CHST9: variants seen among roughly 807,000 people sequenced by gnomAD.
The protein encoded by CHST9 is GalNAc-4-sulfotransferase 2.
CHST9 carries 41 observed loss-of-function variants against 44.4 expected under a neutral mutation model. The ratio of observed to expected loss-of-function variants is 0.92; its 90% CI spans 0.72 to 1.20. The LOEUF (loss-of-function observed/expected upper bound fraction) is 1.20, where lower values mean the gene tolerates loss of function less well. CHST9 is among the 50% of genes most tolerant of loss of function. The pLI is 0.00. For synonymous variants in CHST9, 171 were observed against 178.4 expected, an observed-to-expected ratio of 0.96 and a Z score of 0.33; for missense variants, 504 against 516.5, an observed-to-expected ratio of 0.98 and a Z score of 0.23.
chr18:27,121,629 A>G (rs2058375327), intron 2 of CHST9, among the ~76,000 whole-genome samples: 1 of 152,232 alleles, frequency 6.6e-6, no homozygotes, highest in African/African-American at 2.4e-5. Context: ...GATAAAAGGC[A>G]GGAACTTCCC....
At chr18:27,104,275 G>T (rs1939580261) in intron 2 of CHST9, among the ~76,000 whole-genome samples, 1 of 152,190 alleles carries the variant, frequency 6.6e-6, no homozygotes, top group Non-Finnish European at 1.5e-5. Flanking sequence ...GGGCATTGTT[G>T]TGATTTTTCA....
chr18:27,001,672 TC>T (rs955699543), intron 4 of CHST9, among the ~76,000 whole-genome samples: 51 of 139,074 alleles, frequency 3.7e-4, no homozygotes, highest in African/African-American at 1.2e-3. Flanking sequence ...GGCACACCCT[TC>T]CTCAGAGACC....
At chr18:27,133,258 A>T (rs756974259) in intron 2 of CHST9, among the ~76,000 whole-genome samples, 1 of 152,196 alleles carries the variant, frequency 6.6e-6, no homozygotes, top group Non-Finnish European at 1.5e-5. Flanking sequence ...GAACAAACAC[A>T]TTCAATATAT....
intron 4 of CHST9, among the ~76,000 whole-genome samples, chr18:26,955,250 C>T (rs1013743065): frequency 1.0e-4 from 15 of 146,382 alleles, no homozygotes; most frequent in Admixed American, 9.6e-4. Flanking sequence ...GTATTTTACA[C>T]ATCTATACCA....
intron 2 of CHST9, among the ~76,000 whole-genome samples, chr18:27,058,899 C>T (rs1409557067): frequency 2.6e-5 from 4 of 151,994 alleles, no homozygotes; most frequent in Admixed American, 1.3e-4. Context: ...GTCAAAACAA[C>T]GCTTTTCTTT....
At chr18:27,137,446 A>T (rs1020414239) in intron 2 of CHST9, among the ~76,000 whole-genome samples, 4 of 151,386 alleles carry the variant, frequency 2.6e-5, no homozygotes, top group Non-Finnish European at 5.9e-5. Context: ...AGGTGAGAGG[A>T]CAGAAGGGAT....
chr18:26,949,176 G>C (rs2145126649), intron 4 of CHST9, among the ~76,000 whole-genome samples: 1 of 152,292 alleles, frequency 6.6e-6, no homozygotes. Context: ...CAGGCAGAAG[G>C]GGTGCGGGCT....
intron 3 of CHST9, among the ~76,000 whole-genome samples, chr18:27,025,558 C>T (rs1328718293): frequency 6.6e-6 from 1 of 152,152 alleles, no homozygotes; most frequent in East Asian, 1.9e-4. Context: ...TATCCAAGGG[C>T]ATTTTTAATT....
chr18:27,031,292 C>T (rs2057337925), intron 3 of CHST9, among the ~76,000 whole-genome samples: 1 of 152,168 alleles, frequency 6.6e-6, no homozygotes, highest in Non-Finnish European at 1.5e-5. Context: ...ACTTGTAATC[C>T]TGGTCCCCAA....
Position 26,916,814 on chromosome 18 carries a change from A to G in CHST9, c.777T>C (p.Asp259=), listed in dbSNP as rs2055536013. Residue 259 remains aspartate (D), a synonymous_variant, in exon 6 of 6, where the codon GAT becomes GAC. Coordinates refer to ENST00000618847, the MANE Select transcript of CHST9 (RefSeq NM_031422.6). The stretch of plus-strand genomic sequence containing the variant: ...TATATATCCCTTTTAGGTCAAAGCT[A>G]TCTAGCTTCTTCAAATGCTTCCCGT... ...VHYGKHLKKL[D]SFDLKGIYTR... is the part of the protein sequence containing the mutation. 1.2e-6 allele frequency: 2 copies of G among 1,613,800 alleles called. No homozygotes were observed. The highest frequency in any genetic ancestry group is 1.7e-5 in the Admixed American group (1 of 59,978).
chr18:26,961,404 CT>C (rs2056398169), intron 4 of CHST9, among the ~76,000 whole-genome samples: 1 of 151,512 alleles, frequency 6.6e-6, no homozygotes, highest in South Asian at 2.1e-4. Flanking sequence ...GTAAGAGTTA[CT>C]TTTAATTTAA....
At chr18:27,153,582 G>GTGTGTGTA in intron 1 of CHST9, among the ~76,000 whole-genome samples, 1 of 151,762 alleles carries the variant, frequency 6.6e-6, no homozygotes, top group African/African-American at 2.4e-5. Flanking sequence ...GTGTGTGTGT[G>GTGTGTGTA]TGTGTGTGCC....
chr18:27,123,405 C>G (rs868551817), intron 2 of CHST9, among the ~76,000 whole-genome samples: 1 of 152,078 alleles, frequency 6.6e-6, no homozygotes, highest in Non-Finnish European at 1.5e-5. Context: ...TGGTAAAAGG[C>G]CATTGTGTTC....
At chr18:26,978,637 T>C (rs537658776) in intron 4 of CHST9, among the ~76,000 whole-genome samples, 1 of 152,222 alleles carries the variant, frequency 6.6e-6, no homozygotes, top group Non-Finnish European at 1.5e-5. Flanking sequence ...TGACTTCCAG[T>C]GTTGCTTCTA....
At chr18:27,035,581 ATATATAATGCATAC>A (rs1283334752) in intron 3 of CHST9, among the ~76,000 whole-genome samples, 1 of 152,084 alleles carries the variant, frequency 6.6e-6, no homozygotes, top group Admixed American at 6.6e-5. Flanking sequence ...ATAATGCATT[ATATATAATGCATAC>A]ATAATGGAAT....
At chr18:27,008,912 GT>G (rs34156224) in intron 4 of CHST9, among the ~76,000 whole-genome samples, 2,161 of 145,012 alleles carry the variant, frequency 0.015, 35 homozygotes, top group African/African-American at 0.04. Flanking sequence ...GTTCTGTTCT[GT>G]TTTTTTTTTT....
At chr18:27,168,565 C>T (rs1026655150) in intron 1 of CHST9, among the ~76,000 whole-genome samples, 4 of 152,080 alleles carry the variant, frequency 2.6e-5, no homozygotes, top group Admixed American at 2.0e-4. Context: ...ATTTATGATA[C>T]AGGGAAATTT....
rs2055433263 is a variant in CHST9, at chr18:26,911,021, T to C, written c.*5238A>G. 6.6e-6 allele frequency: 1 copy of C among 152,196 alleles called. No homozygotes were observed. The highest frequency in any genetic ancestry group is 1.5e-5 in the Non-Finnish European group (1 of 68,036). 9.4% of individuals were successfully genotyped at this position (152,196 alleles called of 1,614,324 possible). ...TAAAAGATTTCTGTGTCTGCAACTA[T>C]CCTTCAGGTCAAGGGATGACTATTA... is the stretch of plus-strand genomic sequence containing the variant. On this transcript the variant is annotated 3_prime_UTR_variant, in exon 6 of 6. Coordinates refer to ENST00000618847, the MANE Select transcript of CHST9 (RefSeq NM_031422.6).
chr18:27,163,890 C>T (rs551191706), intron 1 of CHST9, among the ~76,000 whole-genome samples: 2 of 152,134 alleles, frequency 1.3e-5, no homozygotes, highest in African/African-American at 4.8e-5. Flanking sequence ...AGAAATCACC[C>T]GTCTTCTGTG....
Sources: allele counts gnomAD v4.1 joint callset (sites outside exome capture counted in the v4.1 genomes callset), GRCh38; gene constraint gnomAD v4.1.1; transcripts MANE v1.5; gene names NCBI Gene and HGNC (gene_info 2026-07-23, HGNC 2026-07-21).